The following PINX1 variants were observed in gnomAD, a reference collection of about 807,000 sequenced individuals.
The protein encoded by PINX1 is PIN2/TERF1-interacting telomerase inhibitor 1.
Under a neutral mutation model 25.4 loss-of-function variants are expected in PINX1, and 34 were observed. The ratio of observed to expected loss-of-function variants is 1.34; its 90% CI spans 1.02 to 1.78. The LOEUF is 1.78. PINX1 is among the 40% of genes most tolerant of loss of function. PINX1 has a pLI of 0.00. For synonymous variants in PINX1, 197 were observed against 147.7 expected (o/e 1.33, Z -2.42); for missense variants, 592 against 404.9 (o/e 1.46, Z -3.97).
rs1745972326 is a variant in PINX1, at chr8:10,765,854, G to T, written c.534C>A (p.Ile178=). 6.2e-7 allele frequency: 1 copy of T among 1,613,832 alleles called. No individual in the cohort carries two copies. The highest frequency in any genetic ancestry group is 8.5e-7 in the Non-Finnish European group (1 of 1,179,906). ...CCATCCGCTTGGCAAAGTACTCCTGGATGGTGAAGGCGCTGGTTGTCGTGG... is the reference window on the plus strand; with the variant it reads ...CCATCCGCTTGGCAAAGTACTCCTGTATGGTGAAGGCGCTGGTTGTCGTGG... ...NETTTTSAFT[I]QEYFAKRMAA... is the part of the protein sequence containing the mutation. Residue 178 remains isoleucine, a synonymous_variant, in exon 7 of 7, where the codon ATC becomes ATA. Transcript: ENST00000314787.
intron 1 of PINX1, among the ~76,000 whole-genome samples, chr8:10,836,546 C>G (rs1409723322): frequency 6.6e-6 from 1 of 152,202 alleles, no homozygotes; most frequent in African/African-American, 2.4e-5. Context: ...ACTGCACACG[C>G]TTCACATTAC....
At chr8:10,772,857 G>A (rs947447095) in intron 6 of PINX1, among the ~76,000 whole-genome samples, 1 of 152,300 alleles carries the variant, frequency 6.6e-6, no homozygotes, top group East Asian at 1.9e-4. Context: ...AGCCCACTCT[G>A]CAGGGGTTCC....
chr8:10,839,174 CG>C (rs1265071019), intron 1 of PINX1, among the ~76,000 whole-genome samples: 1 of 152,194 alleles, frequency 6.6e-6, no homozygotes, highest in East Asian at 1.9e-4. Context: ...ACAGGCAGGA[CG>C]GGGCGCTGTG....
chr8:10,826,061 A>C (rs1798027697), intron 5 of PINX1, 91 bp downstream of exon 5: 3 of 664,722 alleles, frequency 4.5e-6, no homozygotes, highest in Non-Finnish European at 5.3e-6. Flanking sequence ...ATAAAGCATG[A>C]AGTCGCTATT....
At chr8:10,801,469 C>G (rs994168486) in intron 6 of PINX1, among the ~76,000 whole-genome samples, 10 of 152,226 alleles carry the variant, frequency 6.6e-5, no homozygotes, top group Admixed American at 6.5e-4. Context: ...GGAAGAAGAT[C>G]AGAGCAGGTA....
intron 3 of PINX1, 104 bp downstream of exon 3, chr8:10,832,788 G>A: frequency 3.1e-6 from 2 of 651,196 alleles, no homozygotes; most frequent in East Asian, 2.8e-5. Flanking sequence ...ATAAAAAGAA[G>A]TGCTGCACCA....
chr8:10,833,102 A>G, intron 2 of PINX1, 118 bp from the exon 3 acceptor site: 1 of 598,248 alleles, frequency 1.7e-6, no homozygotes, highest in Non-Finnish European at 2.9e-6. Flanking sequence ...GATTCTCTCC[A>G]TTAAATACTT....
intron 6 of PINX1, among the ~76,000 whole-genome samples, chr8:10,807,317 TCCCCCCCCCAC>T (rs1203794775): frequency 2.0e-4 from 8 of 39,732 alleles, no homozygotes; most frequent in South Asian, 1.3e-3. Flanking sequence ...ATCAAGAAAA[TCCCCCCCCCAC>T]CCCCCCCCCC....
intron 6 of PINX1, among the ~76,000 whole-genome samples, chr8:10,792,526 G>A (rs1444610654): frequency 2.6e-5 from 4 of 152,070 alleles, no homozygotes; most frequent in South Asian, 2.1e-4. Flanking sequence ...GGTTAAGAGC[G>A]CCTGGCACCC....
At chr8:10,789,849 G>A (rs923486632) in intron 6 of PINX1, among the ~76,000 whole-genome samples, 1 of 152,106 alleles carries the variant, frequency 6.6e-6, no homozygotes, top group African/African-American at 2.4e-5. Context: ...TTGGATCATG[G>A]ATTTTTCCCC....
intron 6 of PINX1, among the ~76,000 whole-genome samples, chr8:10,816,743 G>A (rs904194142): frequency 6.6e-6 from 1 of 152,228 alleles, no homozygotes; most frequent in Non-Finnish European, 1.5e-5. Context: ...CCCCTTCAAT[G>A]TAGATTTTTT....
chr8:10,836,350 C>G (rs944147286), intron 1 of PINX1, among the ~76,000 whole-genome samples: 1 of 152,162 alleles, frequency 6.6e-6, no homozygotes, highest in African/African-American at 2.4e-5. Flanking sequence ...GGCAAATACT[C>G]AGCATAACAC....
chr8:10,803,131 T>A (rs1186779095), intron 6 of PINX1, among the ~76,000 whole-genome samples: 1 of 152,252 alleles, frequency 6.6e-6, no homozygotes, highest in Non-Finnish European at 1.5e-5. Context: ...AAAAAATTAG[T>A]GAACCCTAAT....
chr8:10,820,981 CA>C (rs2129085981), intron 5 of PINX1, among the ~76,000 whole-genome samples: 1 of 152,316 alleles, frequency 6.6e-6, no homozygotes, highest in African/African-American at 2.4e-5. Flanking sequence ...ACCCCCAAAC[CA>C]ACTAATTTAA....
intron 6 of PINX1, among the ~76,000 whole-genome samples, chr8:10,775,184 A>G (rs1801349181): frequency 6.6e-6 from 1 of 152,184 alleles, no homozygotes; most frequent in Non-Finnish European, 1.5e-5. Context: ...GTAAGTTTTT[A>G]TTTTATAAAC....
chr8:10,787,083 G>A (rs951514199), intron 6 of PINX1, among the ~76,000 whole-genome samples: 1 of 151,966 alleles, frequency 6.6e-6, no homozygotes, highest in South Asian at 2.1e-4. Context: ...TTTCCCATGA[G>A]CTCTGTTATT....
At chr8:10,815,707 A>G (rs1174308748) in intron 6 of PINX1, among the ~76,000 whole-genome samples, 3 of 152,222 alleles carry the variant, frequency 2.0e-5, no homozygotes, top group Non-Finnish European at 4.4e-5. Context: ...CAGGCTACAG[A>G]TGACAAAACT....
chr8:10,774,537 A>G (rs971116323), intron 6 of PINX1, among the ~76,000 whole-genome samples: 1 of 152,038 alleles, frequency 6.6e-6, no homozygotes, highest in Non-Finnish European at 1.5e-5. Context: ...CGCCTCGGCC[A>G]CCCAAAGTGC....
chr8:10,828,828 G>C (rs1380198262), intron 4 of PINX1, among the ~76,000 whole-genome samples: 2 of 152,122 alleles, frequency 1.3e-5, no homozygotes, highest in African/African-American at 2.4e-5. Context: ...GGATCAATGA[G>C]GGACAAGGGA....
Sources: gnomAD v4.1 joint callset for allele counts (sites outside exome capture counted in the v4.1 genomes callset) on GRCh38, gnomAD v4.1.1 for gene constraint, MANE v1.5 for transcripts, NCBI Gene and HGNC (gene_info 2026-07-23, HGNC 2026-07-21) for gene names.